Variants in CDC42BPB observed in about 807,000 individuals in gnomAD.
CDC42BPB encodes the protein CDC42 binding protein kinase beta, also known as serine/threonine-protein kinase MRCK beta.
A neutral mutation model predicts 214.9 loss-of-function variants in CDC42BPB; 37 were observed. The ratio of observed to expected loss-of-function variants is 0.17; its 90% CI spans 0.13 to 0.23. The LOEUF (loss-of-function observed/expected upper bound fraction) is 0.23. Among genes scored for constraint, CDC42BPB ranks in the 10% least tolerant of loss-of-function variants. The probability of loss-of-function intolerance (pLI) is 1.00; values close to 1 mark genes in which losing one functional copy is unlikely to be tolerated. For synonymous variants in CDC42BPB, 931 were observed against 884.0 expected (o/e 1.05, Z -0.94); for missense variants, 1,694 against 2,227.0 (o/e 0.76, Z 4.82).
At position 102,999,974 on chromosome 14, in the gene CDC42BPB, G is replaced by C. The variant is rs182271530; in HGVS notation, c.448-261C>G. The C allele has an allele frequency of 3.6e-4, 338 of 932,742 alleles. 1 individual carries two copies. In the African/African-American group the frequency reaches 5.2e-3, roughly 14 times the overall value. The allele number at this position is 932,742 out of a possible 1,614,324, so 57.8% of individuals were successfully genotyped here. On this transcript the variant is annotated intron_variant, in intron 4 of 36. Transcript: ENST00000361246. ...TTAATCAATGGGAGGAATGATGAAA[G>C]GGCTTGAGGTTGGAGAGGGCACTCT...
chr14:102,940,279 T>C lies in CDC42BPB; in HGVS notation c.4454A>G (p.Asp1485Gly), dbSNP rs2139347297. The part of the protein sequence containing the change: ...HVTVYSEYGV[D>G]VFDVRTMEWV... ...CTCCATGGTGCGCACATCAAAGACG[T>C]CCACGCCATACTCGCTGTACACCGT... Residue 1485 changes from aspartate (D) to glycine (G), a missense_variant, in exon 31 of 37, where the codon GAC becomes GGC. Asp to Gly is a moderately conservative substitution (Grantham distance 94). Transcript: ENST00000361246. 6.3e-7 allele frequency: 1 copy of C among 1,593,360 alleles called. No homozygotes were observed. The highest frequency in any genetic ancestry group is 1.7e-4 in the Middle Eastern group (1 of 6,036).
chr14:103,007,624 C>T (rs958622504), intron 3 of CDC42BPB, among the ~76,000 whole-genome samples: 14 of 152,334 alleles, frequency 9.2e-5, no homozygotes, highest in Admixed American at 5.9e-4. Flanking sequence ...CTAGAGCCAC[C>T]GCAGCGCTGC....
At chr14:103,030,350 A>G (rs1887298233) in intron 1 of CDC42BPB, among the ~76,000 whole-genome samples, 2 of 152,246 alleles carry the variant, frequency 1.3e-5, no homozygotes, top group Non-Finnish European at 2.9e-5. Context: ...TAGTTTGGAT[A>G]ACAATGGCTT....
intron 7 of CDC42BPB, 106 bp from the exon 8 acceptor site, chr14:102,981,127 G>T: frequency 6.5e-7 from 1 of 1,534,282 alleles, no homozygotes; most frequent in Non-Finnish European, 8.7e-7. Context: ...TTCAAAGCAG[G>T]TCACTTCATG....
At chr14:103,003,023 G>C (rs1180535701) in intron 4 of CDC42BPB, among the ~76,000 whole-genome samples, 5 of 152,128 alleles carry the variant, frequency 3.3e-5, no homozygotes, top group African/African-American at 1.2e-4. Flanking sequence ...CACAACCCAG[G>C]AGCTTCAGGT....
In CDC42BPB at chr14:102,947,234, G is replaced by C. The variant is rs190984018; in HGVS notation, c.3531+487C>G. ...TTTGCTGTTTATAAGAAAATTCCCAGTGGAGGGGGCTGGAGGGTTTCTTTC... is the reference window on the plus strand; with the variant it reads ...TTTGCTGTTTATAAGAAAATTCCCACTGGAGGGGGCTGGAGGGTTTCTTTC... On this transcript the variant is annotated intron_variant, in intron 27 of 36. Coordinates refer to ENST00000361246, the MANE Select transcript of CDC42BPB (RefSeq NM_006035.4). Among the ~76,000 whole-genome samples the C allele has an allele frequency of 3.3e-5, 5 of 152,340 alleles. No homozygotes were observed. In the East Asian group the frequency reaches 7.7e-4, roughly 24 times the overall value.
In CDC42BPB at chr14:102,940,091, T is replaced by C; in HGVS notation, c.4546A>G (p.Asn1516Asp). Reference protein sequence around the residue: ...LNSEGTLNLLNCEPPRLIYFK... With the variant: ...LNSEGTLNLLDCEPPRLIYFK... ...TAGATCAAGCGTGGAGGCTCGCAGT[T>C]GAGGAGGTTGAGGGTGCCTTCAGAG... The change falls in exon 32 of 37, where the codon AAC becomes GAC. Residue 1516 changes from asparagine to aspartate, a missense_variant. Asn to Asp is a conservative substitution (Grantham distance 23). This residue lies in a region of CDC42BPB where 567 missense variants were observed against 790.3 expected (regional missense o/e 0.72). Coordinates refer to ENST00000361246, the MANE Select transcript of CDC42BPB (RefSeq NM_006035.4). 6.2e-7 allele frequency: 1 copy of C among 1,613,774 alleles called. No homozygotes were observed. The highest frequency in any genetic ancestry group is 8.5e-7 in the Non-Finnish European group (1 of 1,179,968).
intron 24 of CDC42BPB, among the ~76,000 whole-genome samples, chr14:102,951,619 T>C (rs1387806725): frequency 6.6e-6 from 1 of 151,998 alleles, no homozygotes; most frequent in Non-Finnish European, 1.5e-5. Context: ...CGAAACCCCA[T>C]CTCTACTAAG....
At chr14:103,032,517 T>G (rs1422130799) in intron 1 of CDC42BPB, among the ~76,000 whole-genome samples, 1 of 133,034 alleles carries the variant, frequency 7.5e-6, no homozygotes, top group Non-Finnish European at 1.6e-5. Flanking sequence ...AAATGCCAAT[T>G]CTTCCACAAA....
At chr14:102,997,429 GA>G (rs1182329658) in intron 5 of CDC42BPB, among the ~76,000 whole-genome samples, 3 of 152,048 alleles carry the variant, frequency 2.0e-5, no homozygotes, top group Admixed American at 2.0e-4. Context: ...AAAAAGCCAA[GA>G]AAAAGAAAAA....
At chr14:102,976,094 G>A in intron 9 of CDC42BPB, 45 bp from the exon 10 acceptor site, 1 of 1,596,462 alleles carries the variant, frequency 6.3e-7, no homozygotes, top group Non-Finnish European at 8.6e-7. Flanking sequence ...TGAAAATTTA[G>A]CGATTTCATT....
chr14:103,036,519 C>T (rs775198096), intron 1 of CDC42BPB, among the ~76,000 whole-genome samples: 9 of 152,038 alleles, frequency 5.9e-5, no homozygotes, highest in African/African-American at 1.2e-4. Context: ...GTAATTCTGA[C>T]GCCAAAATAT....
intron 12 of CDC42BPB, among the ~76,000 whole-genome samples, chr14:102,972,779 G>A (rs939071634): frequency 6.9e-6 from 1 of 144,426 alleles, no homozygotes; most frequent in Non-Finnish European, 1.5e-5. Flanking sequence ...GTGCTTACAG[G>A]AGGACGCTCC....
rs150357322 is a variant in CDC42BPB at position 103,026,540 on chromosome 14, C to T, written c.176-14352G>A. Among the ~76,000 whole-genome samples, 280 of 151,962 alleles carry T rather than the reference C, an allele frequency of 1.8e-3. 1 individual carries two copies. Among genetic ancestry groups the T allele is most frequent in the Middle Eastern group, 3.4e-3 (1 of 294 alleles). The stretch of plus-strand genomic sequence containing the variant: ...CTGTTTTTTAACTACAAACACCAAA[C>T]CTGAACAAAAAAATGTTCAAAAGAA... On this transcript the variant is annotated intron_variant, in intron 1 of 36. Coordinates refer to ENST00000361246, the MANE Select transcript of CDC42BPB (RefSeq NM_006035.4).
At chr14:102,946,344 T>C (rs1199008718) in intron 28 of CDC42BPB, 124 bp downstream of exon 28, 1 of 1,057,754 alleles carries the variant, frequency 9.5e-7, no homozygotes, top group African/African-American at 1.6e-5. Flanking sequence ...TTAACATGCA[T>C]GGAGAAACTG....
At chr14:102,952,671 T>C in intron 23 of CDC42BPB, 68 bp from the exon 24 acceptor site, 3 of 1,566,330 alleles carry the variant, frequency 1.9e-6, no homozygotes, top group Non-Finnish European at 2.6e-6. Context: ...CATCTGCCTG[T>C]GATCCAGTTT....
intron 21 of CDC42BPB, among the ~76,000 whole-genome samples, chr14:102,956,845 T>C (rs1039488256): frequency 6.7e-6 from 1 of 150,168 alleles, no homozygotes; most frequent in Non-Finnish European, 1.5e-5. Flanking sequence ...ATGGTTAAGA[T>C]GGTAAGTTTT....
At chr14:103,023,676 T>A (rs531336427) in intron 1 of CDC42BPB, among the ~76,000 whole-genome samples, 10 of 152,292 alleles carry the variant, frequency 6.6e-5, no homozygotes, top group South Asian at 4.1e-4. Context: ...TTCCTTTTTT[T>A]AACTGATTTT....
At position 103,004,247 on chromosome 14, in the gene CDC42BPB, G is replaced by A; in HGVS notation, c.352-224C>T. On this transcript the variant is annotated intron_variant, in intron 3 of 36. Coordinates refer to ENST00000361246, the MANE Select transcript of CDC42BPB (RefSeq NM_006035.4). The surrounding 1 kb of genome is among the most constrained non-coding windows in gnomAD (Gnocchi z 5.3). The stretch of plus-strand genomic sequence containing the variant: ...GCCAAGGGCTGCTGAGGAGGCACTT[G>A]CACCCTGCTGTCCCACGGGCACCAT... The A allele has an allele frequency of 8.5e-7, 1 of 1,181,004 alleles. No homozygotes were observed. The highest frequency in any genetic ancestry group is 4.0e-5 in the Admixed American group (1 of 24,874). 73.2% of individuals were successfully genotyped at this position (1,181,004 alleles called of 1,614,324 possible).
Sources: gnomAD v4.1 joint callset for allele counts (sites outside exome capture counted in the v4.1 genomes callset) on GRCh38, gnomAD v4.1.1 for gene constraint, gnomAD v4.1.1 regional missense constraint, Gnocchi (gnomAD v3.1) non-coding constraint, MANE v1.5 for transcripts, NCBI Gene and HGNC (gene_info 2026-07-23, HGNC 2026-07-21) for gene names.